BATF2: variants seen among roughly 807,000 people sequenced by gnomAD.
BATF2 encodes the protein basic leucine zipper ATF-like transcription factor 2.
In BATF2, 4 loss-of-function variants were observed where a neutral mutation model predicts 7.3. The ratio of observed to expected loss-of-function variants is 0.55; its 90% CI spans 0.27 to 1.26. The LOEUF (loss-of-function observed/expected upper bound fraction) is 1.26, where lower values mean the gene tolerates loss of function less well. BATF2 is among the 50% of genes most tolerant of loss of function. BATF2 has a pLI of 0.11. For synonymous variants in BATF2, 152 were observed against 153.9 expected (o/e 0.99, Z 0.09); for missense variants, 295 against 340.5 (o/e 0.87, Z 1.05).
At chr11:64,990,047 G>T in intron 2 of BATF2, 1 of 1,537,316 alleles carries the variant, frequency 6.5e-7, no homozygotes, top group Non-Finnish European at 8.7e-7. Context: ...CCCACCACTA[G>T]TGCCCTGAGC....
intron 2 of BATF2, chr11:64,990,246 C>T (rs7947883): frequency 0.098 from 149,932 of 1,531,732 alleles, 15,333 homozygotes; most frequent in Admixed American, 0.38. Context: ...GCTCAGACCT[C>T]CGGTCTCCTC....
rs766614375 is a variant in BATF2, at chr11:64,989,695, C to T, written c.259G>A (p.Asp87Asn). The T allele has an allele frequency of 3.1e-6, 5 of 1,613,926 alleles. No homozygotes were observed. In the South Asian group the frequency reaches 5.5e-5, roughly 18 times the overall value. The change falls in exon 3 of 3, where the codon GAT (aspartate) becomes AAT (asparagine). Residue 87 changes from aspartate (D) to asparagine (N), a missense_variant. Asp to Asn is a conservative substitution (Grantham distance 23, BLOSUM62 1). Coordinates refer to ENST00000301887, the MANE Select transcript of BATF2 (RefSeq NM_138456.4). The surrounding 1 kb of genome is among the most constrained non-coding windows in gnomAD (Gnocchi z 4.3). The stretch of plus-strand genomic sequence containing the variant: ...CCTGGAGCTGAGCAGGAGGCACAAT[C>T]CATGGGGCACAGGCGCTCATGCACG... ...LHVHERLCPM[D>N]CASCSAPGLL...
intron 1 of BATF2, among the ~76,000 whole-genome samples, chr11:64,995,012 C>A (rs1328333988): frequency 6.6e-6 from 1 of 152,130 alleles, no homozygotes; most frequent in African/African-American, 2.4e-5. Flanking sequence ...CCATTCCTGG[C>A]CAATTTTTGT....
At chr11:64,990,658 GA>G in intron 2 of BATF2, 1 of 981,532 alleles carries the variant, frequency 1.0e-6, no homozygotes, top group Non-Finnish European at 1.2e-6. Flanking sequence ...AATGCAGAAA[GA>G]ATTTTATATC....
chr11:64,989,869 A>G lies in BATF2; in HGVS notation c.142-57T>C, dbSNP rs778534045. On this transcript the variant is annotated intron_variant, in intron 2 of 2. Coordinates refer to ENST00000301887, the MANE Select transcript of BATF2 (RefSeq NM_138456.4). The surrounding 1 kb of genome is among the most constrained non-coding windows in gnomAD (Gnocchi z 4.3). Reference sequence around the variant, plus strand: ...CCTCAGCCAGTGTCAGGGGCCCCGCATGAGCCTTAGCCCCTTCCAGGGTCC... The same window carrying G: ...CCTCAGCCAGTGTCAGGGGCCCCGCGTGAGCCTTAGCCCCTTCCAGGGTCC... The G allele has an allele frequency of 6.3e-7, 1 of 1,586,902 alleles. No homozygotes were observed. The highest frequency in any genetic ancestry group is 8.6e-7 in the Non-Finnish European group (1 of 1,162,138).
At chr11:64,991,154 T>C (rs1393577539) in intron 2 of BATF2, among the ~76,000 whole-genome samples, 1 of 85,484 alleles carries the variant, frequency 1.2e-5, no homozygotes, top group Admixed American at 1.7e-4. Context: ...GAATGATGAA[T>C]TTTTTTTTTT....
intron 1 of BATF2, among the ~76,000 whole-genome samples, chr11:64,995,752 C>A (rs1208604453): frequency 6.6e-6 from 1 of 152,158 alleles, no homozygotes; most frequent in East Asian, 1.9e-4. Context: ...CCCTGGCCGC[C>A]CTGGCTGCAG....
rs1270629129 is a variant in BATF2, at chr11:64,989,364, G to C, written c.590C>G (p.Pro197Arg). Residue 197 changes from proline (P) to arginine (R), a missense_variant, in exon 3 of 3, where the codon CCC (proline) becomes CGC (arginine). By Grantham distance (103) the Pro-to-Arg change is moderately radical (BLOSUM62 -2). Coordinates refer to ENST00000301887, the MANE Select transcript of BATF2 (RefSeq NM_138456.4). The surrounding 1 kb of genome is among the most constrained non-coding windows in gnomAD (Gnocchi z 4.3). Reference protein sequence around the residue: ...GSSSKLSALQPSLTAQTAPPQ... With the variant: ...GSSSKLSALQRSLTAQTAPPQ... Reference sequence around the variant, plus strand: ...AGGGGCAGTTTGGGCCGTGAGGCTGGGCTGGAGGGCACTGAGCTTAGAGGA... The same window carrying C: ...AGGGGCAGTTTGGGCCGTGAGGCTGCGCTGGAGGGCACTGAGCTTAGAGGA... The C allele has an allele frequency of 1.3e-6, 2 of 1,574,122 alleles. No homozygotes were observed. Among genetic ancestry groups the C allele is most frequent in the Non-Finnish European group, 1.7e-6 (2 of 1,159,202 alleles).
chr11:64,989,397 T>G lies in BATF2; in HGVS notation c.557A>C (p.Gln186Pro), dbSNP rs753313832. ...GGCACTGAGCTTAGAGGAAGACCCC[T>G]GCAGGCTGGAACCAGTGTGCGAGGC... ...LFASHTGSSL[Q>P]GSSSKLSALQ... The change falls in exon 3 of 3, where the codon CAG becomes CCG. Residue 186 changes from glutamine (Q) to proline (P), a missense_variant. By Grantham distance (76) the Gln-to-Pro change is moderately conservative (BLOSUM62 -1). Transcript: ENST00000301887. The surrounding 1 kb of genome is among the most constrained non-coding windows in gnomAD (Gnocchi z 4.3). 6.3e-7 allele frequency: 1 copy of G among 1,587,280 alleles called. No individual in the cohort carries two copies. The highest frequency in any genetic ancestry group is 1.7e-5 in the Admixed American group (1 of 57,532).
intron 2 of BATF2, 79 bp downstream of exon 2, chr11:64,994,369 C>A: frequency 7.2e-7 from 1 of 1,397,914 alleles, no homozygotes; most frequent in East Asian, 2.5e-5. Context: ...GAGGTCTGCT[C>A]AAAGGTGGGA....
intron 2 of BATF2, among the ~76,000 whole-genome samples, chr11:64,991,964 T>C (rs890715983): frequency 6.6e-6 from 1 of 152,210 alleles, no homozygotes; most frequent in African/African-American, 2.4e-5. Context: ...CAATGCGTTT[T>C]CTTACCTTCA....
In BATF2 at chr11:64,989,630, G is replaced by T. The variant is rs898162797; in HGVS notation, c.324C>A (p.Gly108=). The part of the protein sequence containing the change: ...GCWDQAEGLL[G]PGPQGQHGCR... ...AGCCATGTTGTCCCTGTGGGCCAGG[G>T]CCCAGGAGCCCCTCAGCCTGGTCCC... The change falls in exon 3 of 3, where the codon GGC becomes GGA. Residue 108 remains glycine, a synonymous_variant. Coordinates refer to ENST00000301887, the MANE Select transcript of BATF2 (RefSeq NM_138456.4). The surrounding 1 kb of genome is among the most constrained non-coding windows in gnomAD (Gnocchi z 4.3). 6.2e-7 allele frequency: 1 copy of T among 1,611,744 alleles called. No individual in the cohort carries two copies. Among genetic ancestry groups the T allele is most frequent in the Non-Finnish European group, 8.5e-7 (1 of 1,179,192 alleles).
rs1180860941 is a variant in BATF2, at chr11:64,989,096, AAAG to A, written c.*30_*32del. 1 of 1,611,462 alleles carries A rather than the reference AAAG, an allele frequency of 6.2e-7. No homozygotes were observed. Among genetic ancestry groups the A allele is most frequent in the Non-Finnish European group, 8.5e-7 (1 of 1,177,856 alleles). On this transcript the variant is annotated 3_prime_UTR_variant, in exon 3 of 3. Transcript: ENST00000301887. This position sits in a 1 kb window ranked among gnomAD's most constrained non-coding sequence, Gnocchi z 4.3. Reference sequence around the variant, plus strand: ...TGTGCTAAGGCTGCTTCCTGAGCCCAAAGAAGGGGCCAACCCAGCTCCGAAGAC... The same window carrying A: ...TGTGCTAAGGCTGCTTCCTGAGCCCAAAGGGGCCAACCCAGCTCCGAAGAC...
In BATF2 at chr11:64,989,552, C is replaced by G. The variant is rs1165085244; in HGVS notation, c.402G>C (p.Gln134His). Residue 134 changes from glutamine (Q) to histidine (H), a missense_variant, in exon 3 of 3, where the codon CAG (glutamine) becomes CAC (histidine). Transcript: ENST00000301887. This position sits in a 1 kb window ranked among gnomAD's most constrained non-coding sequence, Gnocchi z 4.3. Reference sequence around the variant, plus strand: ...GAGGCTGTGGACCTGGAGAGAGCGGCTGAGCTGGGTAACAGGAACCCGGGG... The same window carrying G: ...GAGGCTGTGGACCTGGAGAGAGCGGGTGAGCTGGGTAACAGGAACCCGGGG... The part of the protein sequence containing the change: ...FQTPGSCYPA[Q>H]PLSPGPQPHD... 1 of 1,588,298 alleles carries G rather than the reference C, an allele frequency of 6.3e-7. No homozygotes were observed. The highest frequency in any genetic ancestry group is 1.3e-5 in the African/African-American group (1 of 74,368).
At chr11:64,996,627 A>C (rs77914879) in intron 1 of BATF2, among the ~76,000 whole-genome samples, 5,371 of 152,328 alleles carry the variant, frequency 0.035, 141 homozygotes, top group Middle Eastern at 0.061. Flanking sequence ...GAGCAAGTAC[A>C]CAGAGGCCAA....
chr11:64,994,449 T>C lies in BATF2; in HGVS notation c.140A>G (p.Gln47Arg). Residue 47 changes from glutamine to arginine, a missense_variant and splice_region_variant, in exon 2 of 3, where the codon CAG becomes CGG. Gln to Arg is a conservative substitution (Grantham distance 43). Transcript: ENST00000301887. ...KHTDKADALH[Q>R]QHESLEKDNL... ...AAAGGGGTTAGGGGTTGTCCACACC[T>C]GGTGCAGGGCGTCTGCCTTGTCTGT... is the stretch of plus-strand genomic sequence containing the variant. 2.5e-6 allele frequency: 4 copies of C among 1,577,476 alleles called. No homozygotes were observed. The highest frequency in any genetic ancestry group is 3.4e-6 in the Non-Finnish European group (4 of 1,161,134).
chr11:64,990,171 A>C, intron 2 of BATF2: 1 of 1,535,714 alleles, frequency 6.5e-7, no homozygotes, highest in Non-Finnish European at 8.7e-7. Flanking sequence ...ATTGCAGGTT[A>C]AAGCCCTTTA....
chr11:64,994,965 C>T (rs529245686), intron 1 of BATF2, among the ~76,000 whole-genome samples: 3 of 152,244 alleles, frequency 2.0e-5, no homozygotes, highest in Non-Finnish European at 4.4e-5. Context: ...TCTCCTGCCT[C>T]GGCCTCCCAA....
intron 2 of BATF2, among the ~76,000 whole-genome samples, chr11:64,993,801 C>CTT (rs143580129): frequency 7.4e-5 from 11 of 149,472 alleles, no homozygotes; most frequent in African/African-American, 2.4e-4. Context: ...GAATAATCCA[C>CTT]TTTTTTTTTT....
Sources: allele counts gnomAD v4.1 joint callset (sites outside exome capture counted in the v4.1 genomes callset), GRCh38; gene constraint gnomAD v4.1.1; non-coding constraint Gnocchi (gnomAD v3.1); transcripts MANE v1.5; gene names NCBI Gene and HGNC (gene_info 2026-07-23, HGNC 2026-07-21).